UGGT1: variants seen among roughly 807,000 people sequenced by gnomAD.
UGGT1 encodes the protein UDP-glucose:glycoprotein glucosyltransferase 1.
In UGGT1, 107 loss-of-function variants were observed where a neutral mutation model predicts 203.9. The observed-to-expected ratio is 0.52, with a 90% CI of 0.45 to 0.62. UGGT1 has a LOEUF of 0.62. Among genes scored for constraint, UGGT1 ranks in the 20% least tolerant of loss-of-function variants. UGGT1 has a pLI of 0.00. For missense variants in UGGT1, 1,673 were observed against 1,867.2 expected (o/e 0.90, Z 1.92); for synonymous variants, 628 against 653.5 (o/e 0.96, Z 0.59).
intron 11 of UGGT1, 102 bp from the exon 12 acceptor site, chr2:128,127,259 C>T (rs1021773331): frequency 5.2e-6 from 4 of 768,848 alleles, no homozygotes; most frequent in Middle Eastern, 3.8e-4. Context: ...TTAGCCCTGC[C>T]TTAGGATGCC....
Position 128,192,254 on chromosome 2 carries a change from C to A in UGGT1, c.*2512C>A, listed in dbSNP as rs1692299388. The stretch of plus-strand genomic sequence containing the variant: ...GCTTCCAGAATGGCCTAGGACCCTC[C>A]TCCTCCTGCCAGTTTTTTTTTTTTT... On this transcript the variant is annotated 3_prime_UTR_variant, in exon 41 of 41. Coordinates refer to ENST00000259253, the MANE Select transcript of UGGT1 (RefSeq NM_020120.4). The A allele has an allele frequency of 6.7e-6, 1 of 149,572 alleles. No homozygotes were observed. The highest frequency in any genetic ancestry group is 1.9e-4 in the East Asian group (1 of 5,152). 9.3% of individuals were successfully genotyped at this position (149,572 alleles called of 1,614,324 possible). A position where few individuals can be genotyped will look rare whatever the true frequency, so the allele number is the denominator to read the frequency against.
rs1686845558 is a variant in UGGT1 at position 128,091,298 on chromosome 2, T to TCGCCC, written c.-54_-50dup. The TCGCCC allele has an allele frequency of 6.1e-6, 9 of 1,477,634 alleles. No individual in the cohort carries two copies. The highest frequency in any genetic ancestry group is 2.4e-4 in the Middle Eastern group (1 of 4,166). 91.5% of individuals were successfully genotyped at this position (1,477,634 alleles called of 1,614,324 possible). ...CGCAGCCTGCACTGCCGCTGCCGCC[T>TCGCCC]CGCCCCGCCCTGCCCTGGCGTTGTC... On this transcript the variant is annotated 5_prime_UTR_variant, in exon 1 of 41. Coordinates refer to ENST00000259253, the MANE Select transcript of UGGT1 (RefSeq NM_020120.4).
chr2:128,176,920 G>GC, intron 32 of UGGT1, 22 bp downstream of exon 32: 2 of 1,602,868 alleles, frequency 1.2e-6, no homozygotes, highest in Non-Finnish European at 1.7e-6. Context: ...AAAAGTAGTG[G>GC]CATTCTGTTA....
intron 28 of UGGT1, among the ~76,000 whole-genome samples, chr2:128,171,546 C>T (rs925391779): frequency 4.6e-5 from 7 of 152,100 alleles, no homozygotes; most frequent in Non-Finnish European, 7.3e-5. Context: ...CTCGCTCTGT[C>T]GCCCAGATTG....
chr2:128,149,092 G>A (rs546115443), intron 18 of UGGT1, among the ~76,000 whole-genome samples: 10 of 152,204 alleles, frequency 6.6e-5, no homozygotes, highest in Middle Eastern at 3.4e-3. Context: ...CCAGGCTGGA[G>A]TGTAGGGATT....
Position 128,143,099 on chromosome 2 carries a change from T to C in UGGT1, c.1725T>C (p.Tyr575=), listed in dbSNP as rs755894454. ...YHAFQTLTHI[Y]NKVRTGEKVK... ...ACTGTTTTTTCTTTCTTCAGATCTA[T>C]AACAAGGTGAGGACTGGAGAAAAAG... Residue 575 remains tyrosine (Y), a synonymous_variant, in exon 17 of 41, where the codon TAT becomes TAC. Coordinates refer to ENST00000259253, the MANE Select transcript of UGGT1 (RefSeq NM_020120.4). The C allele has an allele frequency of 6.2e-7, 1 of 1,602,056 alleles. No homozygotes were observed. The highest frequency in any genetic ancestry group is 1.1e-5 in the South Asian group (1 of 88,594).
At chr2:128,111,301 G>A (rs920126439) in intron 5 of UGGT1, among the ~76,000 whole-genome samples, 1 of 152,112 alleles carries the variant, frequency 6.6e-6, no homozygotes, top group Non-Finnish European at 1.5e-5. Flanking sequence ...ACTGCAGTGA[G>A]CCCTGTTCAT....
intron 22 of UGGT1, among the ~76,000 whole-genome samples, chr2:128,158,957 A>G (rs949607135): frequency 5.3e-5 from 8 of 152,136 alleles, no homozygotes; most frequent in Non-Finnish European, 1.2e-4. Context: ...GAGGGTCTGT[A>G]ATTTATGCTA....
chr2:128,164,657 A>G (rs1302006684), intron 25 of UGGT1, 73 bp from the exon 26 acceptor site: 4 of 1,244,160 alleles, frequency 3.2e-6, no homozygotes, highest in South Asian at 2.4e-5. Flanking sequence ...ATTTGGGCTG[A>G]TGATATGTTT....
rs754188671 is a variant in UGGT1 at position 128,108,118 on chromosome 2, G to A, written c.408+50G>A. The A allele has an allele frequency of 6.7e-5, 107 of 1,594,718 alleles. 1 individual carries two copies. The highest frequency in any genetic ancestry group is 1.7e-4 in the Admixed American group (10 of 58,010). On this transcript the variant is annotated intron_variant, in intron 4 of 40. Coordinates refer to ENST00000259253, the MANE Select transcript of UGGT1 (RefSeq NM_020120.4). ...AGCATTTTAGAGTGTATATCATGAT[G>A]AATGGATGGACCCCAGTTGTCCTGG...
chr2:128,165,942 T>G (rs970997961), intron 26 of UGGT1, among the ~76,000 whole-genome samples: 3 of 152,056 alleles, frequency 2.0e-5, no homozygotes, highest in Non-Finnish European at 4.4e-5. Flanking sequence ...TTGTATTTTT[T>G]ATAGAGATGG....
At chr2:128,112,067 C>T (rs1413333829) in intron 5 of UGGT1, among the ~76,000 whole-genome samples, 1 of 151,428 alleles carries the variant, frequency 6.6e-6, no homozygotes, top group Admixed American at 6.6e-5. Context: ...TGAGCGATCA[C>T]GCGACTGTGC....
intron 37 of UGGT1, among the ~76,000 whole-genome samples, 159 bp from the exon 38 acceptor site, chr2:128,183,516 C>T (rs1207270838): frequency 3.3e-5 from 5 of 152,220 alleles, no homozygotes; most frequent in African/African-American, 1.2e-4. Flanking sequence ...TCTTAGAGAT[C>T]TTTAAAGTAG....
At position 128,180,944 on chromosome 2, in the gene UGGT1, T is replaced by C; in HGVS notation, c.3955T>C (p.Tyr1319His). ...CAATTTCCAGTATGAGCTTGTTCAGTACAAATGGCCCCGGTGGCTTCATCA... is the reference window on the plus strand; with the variant it reads ...CAATTTCCAGTATGAGCTTGTTCAGCACAAATGGCCCCGGTGGCTTCATCA... The part of the protein sequence containing the change: ...EYNFQYELVQ[Y>H]KWPRWLHQQT... Residue 1319 changes from tyrosine (Y) to histidine (H), a missense_variant, in exon 36 of 41, where the codon TAC (tyrosine) becomes CAC (histidine). Transcript: ENST00000259253. The C allele has an allele frequency of 1.2e-6, 2 of 1,614,198 alleles. No individual in the cohort carries two copies. The highest frequency in any genetic ancestry group is 1.7e-6 in the Non-Finnish European group (2 of 1,180,028).
intron 12 of UGGT1, 65 bp from the exon 13 acceptor site, chr2:128,128,964 A>G (rs1375691198): frequency 6.9e-7 from 1 of 1,451,604 alleles, no homozygotes. Flanking sequence ...ATTTTTTTTC[A>G]TGGTGAGAAT....
intron 3 of UGGT1, among the ~76,000 whole-genome samples, chr2:128,107,534 AATGAT>A (rs1259556233): frequency 6.6e-6 from 1 of 152,194 alleles, no homozygotes; most frequent in African/African-American, 2.4e-5. Flanking sequence ...TAATTTAGTA[AATGAT>A]ATGATAAGTG....
intron 31 of UGGT1, among the ~76,000 whole-genome samples, chr2:128,175,846 G>A (rs532642640): frequency 2.6e-5 from 4 of 152,332 alleles, no homozygotes; most frequent in African/African-American, 9.6e-5. Context: ...CTCTCTGCTA[G>A]ATGACAGCAA....
At chr2:128,173,098 G>T (rs1377747416) in intron 29 of UGGT1, among the ~76,000 whole-genome samples, 1 of 152,092 alleles carries the variant, frequency 6.6e-6, no homozygotes, top group Non-Finnish European at 1.5e-5. Context: ...CTATGGATTT[G>T]CCTATTCTGA....
Position 128,172,706 on chromosome 2 carries a change from T to C in UGGT1, c.3238T>C (p.Trp1080Arg), listed in dbSNP as rs754503249. The part of the protein sequence containing the change: ...FTLNLNTPES[W>R]MVESVRTPYD... ...TCTGAATTTGAACACACCTGAGAGC[T>C]GGATGGTAGAATCTGTCAGAACACC... The change falls in exon 29 of 41, where the codon TGG becomes CGG. Residue 1080 changes from tryptophan to arginine, a missense_variant. Trp to Arg is a moderately radical substitution (Grantham distance 101). Coordinates refer to ENST00000259253, the MANE Select transcript of UGGT1 (RefSeq NM_020120.4). 6.2e-7 allele frequency: 1 copy of C among 1,614,198 alleles called. No individual in the cohort carries two copies. Among genetic ancestry groups the C allele is most frequent in the Non-Finnish European group, 8.5e-7 (1 of 1,180,034 alleles).
Sources: gnomAD v4.1 joint callset for allele counts (sites outside exome capture counted in the v4.1 genomes callset) on GRCh38, gnomAD v4.1.1 for gene constraint, MANE v1.5 for transcripts, NCBI Gene and HGNC (gene_info 2026-07-23, HGNC 2026-07-21) for gene names.